MPZL3: variants seen among roughly 807,000 people sequenced by gnomAD.
The protein encoded by MPZL3 is myelin protein zero-like protein 3.
MPZL3 carries 23 observed loss-of-function variants against 24.8 expected under a neutral mutation model. The observed-to-expected ratio is 0.93, with a 90% CI of 0.67 to 1.31. The LOEUF is 1.31. Among genes scored for constraint, MPZL3 ranks in the 40% most tolerant of loss-of-function variants. MPZL3 has a pLI of 0.00. For synonymous variants in MPZL3, 99 were observed against 106.5 expected (o/e 0.93, Z 0.44); for missense variants, 277 against 294.9 (o/e 0.94, Z 0.44).
At chr11:118,245,258 C>T (rs935367333) in intron 1 of MPZL3, among the ~76,000 whole-genome samples, 4 of 151,988 alleles carry the variant, frequency 2.6e-5, no homozygotes, top group African/African-American at 7.3e-5. Context: ...ATTAGCCAGG[C>T]GTGGTGGTGG....
intron 5 of MPZL3, among the ~76,000 whole-genome samples, chr11:118,231,007 C>T (rs1296576747): frequency 6.6e-6 from 1 of 152,168 alleles, no homozygotes; most frequent in Non-Finnish European, 1.5e-5. Flanking sequence ...AGTGACATTG[C>T]CCTCCACGTA....
At chr11:118,233,854 C>T (rs1793159) in intron 4 of MPZL3, among the ~76,000 whole-genome samples, 1 of 151,548 alleles carries the variant, frequency 6.6e-6, no homozygotes. Flanking sequence ...ATTAGCTGGG[C>T]GTTGTGGTGC....
At chr11:118,232,221 C>A (rs1814145469) in intron 5 of MPZL3, among the ~76,000 whole-genome samples, 1 of 152,142 alleles carries the variant, frequency 6.6e-6, no homozygotes, top group Non-Finnish European at 1.5e-5. Flanking sequence ...TGAAACGCTC[C>A]TCCACAATAG....
At chr11:118,244,788 C>A (rs1206938065) in intron 1 of MPZL3, among the ~76,000 whole-genome samples, 13 of 152,138 alleles carry the variant, frequency 8.5e-5, no homozygotes, top group Non-Finnish European at 1.5e-5. Flanking sequence ...CTTAAAAGAT[C>A]ACTTTAGGCT....
chr11:118,241,584 G>C (rs551993545), intron 1 of MPZL3, among the ~76,000 whole-genome samples: 1 of 152,304 alleles, frequency 6.6e-6, no homozygotes, highest in African/African-American at 2.4e-5. Context: ...ACAACACTAA[G>C]AAGCCTACCC....
chr11:118,233,976 G>C (rs1000347859), intron 4 of MPZL3, among the ~76,000 whole-genome samples: 1 of 152,140 alleles, frequency 6.6e-6, no homozygotes, highest in Admixed American at 6.5e-5. Flanking sequence ...CTGGGTGTCA[G>C]AGTGAGTGAG....
chr11:118,237,647 C>A (rs929580262), intron 2 of MPZL3, among the ~76,000 whole-genome samples: 1 of 152,112 alleles, frequency 6.6e-6, no homozygotes, highest in African/African-American at 2.4e-5. Context: ...CTACCATGCA[C>A]AGGACAGCAC....
chr11:118,227,214 C>CA lies in MPZL3; in HGVS notation c.*2679dup, dbSNP rs1389038153. ...CATAAAACTTAAAGTCATGTAACCA[C>CA]ATGTAAAAACTTCAGCAGCTAAAGA... On this transcript the variant is annotated 3_prime_UTR_variant, in exon 6 of 6. Coordinates refer to ENST00000278949, the MANE Select transcript of MPZL3 (RefSeq NM_198275.3). 6.6e-6 allele frequency: 1 copy of CA among 152,196 alleles called. No homozygotes were observed. The highest frequency in any genetic ancestry group is 1.5e-5 in the Non-Finnish European group (1 of 68,036). The allele number at this position is 152,196 out of a possible 1,614,324, so 9.4% of individuals were successfully genotyped here. A position where few individuals can be genotyped will look rare whatever the true frequency, so the allele number is the denominator to read the frequency against.
At chr11:118,238,501 C>A (rs183139983) in intron 2 of MPZL3, among the ~76,000 whole-genome samples, 21 of 152,296 alleles carry the variant, frequency 1.4e-4, no homozygotes, top group African/African-American at 5.1e-4. Flanking sequence ...GCAGGTATTA[C>A]AATATAATAT....
intron 5 of MPZL3, 118 bp downstream of exon 5, chr11:118,233,342 A>G (rs1326280580): frequency 1.1e-5 from 12 of 1,106,268 alleles, no homozygotes; most frequent in Non-Finnish European, 1.5e-5. Context: ...GCTGGTTCAT[A>G]TCTTGCTTGG....
Position 118,251,968 on chromosome 11 carries a change from G to A in MPZL3, c.73+254C>T, listed in dbSNP as rs55932014. 5.0e-3 allele frequency among the ~76,000 whole-genome samples: 757 copies of A among 152,256 alleles called. 5 individuals are homozygous for A. Among genetic ancestry groups the A allele is most frequent in the Non-Finnish European group, 8.4e-3 (572 of 68,006 alleles). ...CCAGAGCTCTTTGTGGTTCCATCAA[G>A]TATGCTATCACCAAACTACAATGAC... On this transcript the variant is annotated intron_variant, in intron 1 of 5. Coordinates refer to ENST00000278949, the MANE Select transcript of MPZL3 (RefSeq NM_198275.3).
chr11:118,250,992 T>C (rs1949613699), intron 1 of MPZL3, among the ~76,000 whole-genome samples: 1 of 152,194 alleles, frequency 6.6e-6, no homozygotes, highest in Non-Finnish European at 1.5e-5. Context: ...ACTTGACAGA[T>C]GCTCTTCAAA....
intron 1 of MPZL3, 126 bp downstream of exon 1, chr11:118,252,096 C>T: frequency 2.2e-6 from 2 of 893,014 alleles, no homozygotes; most frequent in Admixed American, 3.8e-5. Context: ...CGTCCCGCTC[C>T]CTCCCTCCTT....
At chr11:118,247,007 G>A (rs949623651) in intron 1 of MPZL3, among the ~76,000 whole-genome samples, 59 of 152,128 alleles carry the variant, frequency 3.9e-4, no homozygotes, top group African/African-American at 1.4e-3. Flanking sequence ...CCTGGTAAGA[G>A]TGGGAGCTGT....
chr11:118,248,010 C>A (rs1949574467), intron 1 of MPZL3, among the ~76,000 whole-genome samples: 1 of 151,118 alleles, frequency 6.6e-6, no homozygotes, highest in Admixed American at 6.6e-5. Context: ...CAGAGCCTAG[C>A]ATATTGTGGA....
chr11:118,244,144 C>T (rs1157116752), intron 1 of MPZL3, among the ~76,000 whole-genome samples: 3 of 152,200 alleles, frequency 2.0e-5, no homozygotes, highest in African/African-American at 7.2e-5. Flanking sequence ...ACTCTTTGCT[C>T]CTTGAACTTC....
intron 4 of MPZL3, 54 bp from the exon 5 acceptor site, chr11:118,233,577 A>G: frequency 6.4e-7 from 1 of 1,566,674 alleles, no homozygotes; most frequent in Non-Finnish European, 8.8e-7. Flanking sequence ...AATAGAGTAG[A>G]GCAGTTGAAA....
intron 1 of MPZL3, among the ~76,000 whole-genome samples, chr11:118,246,936 G>C (rs1211997196): frequency 2.6e-5 from 4 of 152,086 alleles, no homozygotes; most frequent in African/African-American, 9.7e-5. Context: ...GCTGACAGCA[G>C]CACAAAGCTT....
rs946956808 is a variant in MPZL3 at position 118,227,586 on chromosome 11, T to A, written c.*2308A>T. The A allele has an allele frequency of 6.6e-6, 1 of 152,154 alleles. No individual in the cohort carries two copies. The highest frequency in any genetic ancestry group is 2.4e-5 in the African/African-American group (1 of 41,414). The allele number at this position is 152,154 out of a possible 1,614,324, so 9.4% of individuals were successfully genotyped here. ...ATAGTAAACTAAGTTATCAACGTAC[T>A]CCCTTACCACGAAGGACTTCATTCA... On this transcript the variant is annotated 3_prime_UTR_variant, in exon 6 of 6. Transcript: ENST00000278949.
Sources: gnomAD v4.1 joint callset for allele counts (sites outside exome capture counted in the v4.1 genomes callset) on GRCh38, gnomAD v4.1.1 for gene constraint, MANE v1.5 for transcripts, NCBI Gene and HGNC (gene_info 2026-07-23, HGNC 2026-07-21) for gene names.